The following C3orf20 variants were observed in gnomAD, a reference collection of about 807,000 sequenced individuals.
C3orf20 encodes family with sequence similarity 149 member C.
A neutral mutation model predicts 88.3 loss-of-function variants in C3orf20; 76 were observed. The ratio of observed to expected loss-of-function variants is 0.86; its 90% CI spans 0.72 to 1.04. The LOEUF is 1.04. Ranked by LOEUF, C3orf20 falls within the 50% of genes least tolerant of loss-of-function variation. C3orf20 has a pLI of 0.00. For missense variants in C3orf20, 1,056 were observed against 1,123.3 expected, an observed-to-expected ratio of 0.94 and a Z score of 0.86; for synonymous variants, 436 against 437.4, an observed-to-expected ratio of 1.00 and a Z score of 0.04.
In C3orf20 at chr3:14,707,304, C is replaced by T. The variant is rs143430403; in HGVS notation, c.1160+2686C>T. ...ACTGGGAATATCATAAAGCTGTAAG[C>T]TATAATTGATTAGCACTTGGCAGCT... On this transcript the variant is annotated intron_variant, in intron 7 of 16. Coordinates refer to ENST00000253697, the MANE Select transcript of C3orf20 (RefSeq NM_032137.5). Among the ~76,000 whole-genome samples the T allele has an allele frequency of 5.8e-3, 861 of 149,154 alleles. 41 individuals carry two copies. Among genetic ancestry groups the T allele is most frequent in the Admixed American group, 0.051 (763 of 15,028 alleles).
At chr3:14,759,035 G>A (rs1265127487) in intron 13 of C3orf20, among the ~76,000 whole-genome samples, 21 of 152,252 alleles carry the variant, frequency 1.4e-4, no homozygotes, top group Admixed American at 1.4e-3. Flanking sequence ...AGCAATTGGA[G>A]TGCTCAGGTG....
intron 4 of C3orf20, among the ~76,000 whole-genome samples, chr3:14,687,037 T>C (rs1174740115): frequency 6.6e-6 from 1 of 152,222 alleles, no homozygotes; most frequent in Non-Finnish European, 1.5e-5. Flanking sequence ...ATGCCCCTGA[T>C]GCCTGATGCG....
chr3:14,740,755 C>CT (rs1315287268), intron 12 of C3orf20, among the ~76,000 whole-genome samples: 2 of 151,900 alleles, frequency 1.3e-5, no homozygotes, highest in African/African-American at 4.8e-5. Flanking sequence ...TTTACTCATG[C>CT]TTTTTTTTAA....
intron 12 of C3orf20, among the ~76,000 whole-genome samples, chr3:14,743,705 G>A (rs2034981259): frequency 6.6e-6 from 1 of 152,036 alleles, no homozygotes; most frequent in Non-Finnish European, 1.5e-5. Flanking sequence ...TCTAGGTGGA[G>A]GTTCCCAAAC....
At position 14,732,115 on chromosome 3, in the gene C3orf20, T is replaced by A. The variant is rs568651280; in HGVS notation, c.1940+3427T>A. Among the ~76,000 whole-genome samples, 30 of 152,350 alleles carry A rather than the reference T, an allele frequency of 2.0e-4. No individual in the cohort carries two copies. In the South Asian group the frequency reaches 3.3e-3, roughly 17 times the overall value. On this transcript the variant is annotated intron_variant, in intron 12 of 16. Transcript: ENST00000253697. ...TACCATTATCCATGTCCACCAACAATGTATGAGAGTTCCAATTGCTCCAAA... is the reference window on the plus strand; with the variant it reads ...TACCATTATCCATGTCCACCAACAAAGTATGAGAGTTCCAATTGCTCCAAA...
At chr3:14,697,338 A>G (rs927744658) in intron 5 of C3orf20, among the ~76,000 whole-genome samples, 1 of 152,038 alleles carries the variant, frequency 6.6e-6, no homozygotes, top group Admixed American at 6.6e-5. Flanking sequence ...GTTATTTTCT[A>G]GATCTTGTAG....
At chr3:14,741,751 T>G (rs1017706303) in intron 12 of C3orf20, among the ~76,000 whole-genome samples, 1 of 152,246 alleles carries the variant, frequency 6.6e-6, no homozygotes, top group African/African-American at 2.4e-5. Flanking sequence ...CTGTGACTGC[T>G]CCTGCAGAGC....
rs182811941 is a variant in C3orf20 at position 14,717,201 on chromosome 3, G to A, written c.1434+1792G>A. ...AAGTGGGTCACCAGAACTGCCCTCC[G>A]GCCTCATGGTACTTTCATGAGAAGA... is the stretch of plus-strand genomic sequence containing the variant. On this transcript the variant is annotated intron_variant, in intron 9 of 16. Transcript: ENST00000253697. 1.3e-3 allele frequency among the ~76,000 whole-genome samples: 191 copies of A among 152,284 alleles called. 1 individual carries two copies. Among genetic ancestry groups the A allele is most frequent in the Admixed American group, 3.1e-3 (48 of 15,304 alleles).
intron 10 of C3orf20, chr3:14,722,120 T>C (rs1404485237): frequency 3.4e-6 from 1 of 294,140 alleles, no homozygotes; most frequent in African/African-American, 2.1e-5. Flanking sequence ...CCACCAGATC[T>C]TCGCATCTCT....
chr3:14,743,280 G>T (rs950763270), intron 12 of C3orf20, among the ~76,000 whole-genome samples: 1 of 151,934 alleles, frequency 6.6e-6, no homozygotes, highest in African/African-American at 2.4e-5. Context: ...TACAGGGCCC[G>T]AGGAAGTCTG....
Position 14,721,786 on chromosome 3 carries a change from T to C in C3orf20, c.1566+2T>C. On this transcript the variant is annotated splice_donor_variant, in intron 10 of 16. Transcript: ENST00000253697. LOFTEE classifies it high-confidence loss of function. The stretch of plus-strand genomic sequence containing the variant: ...CATGGAATGGCATATGACAAACGGG[T>C]AAGGCAAGGCAGACTATGCACCCAG... 6.2e-7 allele frequency: 1 copy of C among 1,614,070 alleles called. No individual in the cohort carries two copies. Among genetic ancestry groups the C allele is most frequent in the East Asian group, 2.2e-5 (1 of 44,870 alleles).
chr3:14,769,855 G>C (rs1382076065), intron 15 of C3orf20, among the ~76,000 whole-genome samples: 1 of 152,158 alleles, frequency 6.6e-6, no homozygotes, highest in Non-Finnish European at 1.5e-5. Context: ...GGACGGAGGG[G>C]CTGGCTGTGA....
At chr3:14,697,889 C>T (rs2033078945) in intron 5 of C3orf20, among the ~76,000 whole-genome samples, 1 of 152,092 alleles carries the variant, frequency 6.6e-6, no homozygotes, top group South Asian at 2.1e-4. Flanking sequence ...GACATGAACT[C>T]ATCCTTTTTT....
At position 14,714,005 on chromosome 3, in the gene C3orf20, A is replaced by C. The variant is rs556764362; in HGVS notation, c.1161-2A>C. ...TTAGTTCTACCTGAACATTTCTGCC[A>C]GCTATCCCTCTGGAAACGTCGCTGT... On this transcript the variant is annotated splice_acceptor_variant, in intron 7 of 16. Coordinates refer to ENST00000253697, the MANE Select transcript of C3orf20 (RefSeq NM_032137.5). LOFTEE classifies it high-confidence loss of function. 1 of 1,614,052 alleles carries C rather than the reference A, an allele frequency of 6.2e-7. No homozygotes were observed. Among genetic ancestry groups the C allele is most frequent in the East Asian group, 2.2e-5 (1 of 44,884 alleles).
intron 4 of C3orf20, among the ~76,000 whole-genome samples, chr3:14,685,906 C>G (rs896041122): frequency 2.1e-5 from 3 of 140,628 alleles, no homozygotes; most frequent in Non-Finnish European, 4.5e-5. Context: ...TCTGTTGCCA[C>G]GCTGGAGTGC....
intron 12 of C3orf20, among the ~76,000 whole-genome samples, chr3:14,734,262 C>G (rs2034633328): frequency 6.6e-6 from 1 of 151,944 alleles, no homozygotes; most frequent in Non-Finnish European, 1.5e-5. Flanking sequence ...ATTTTATATT[C>G]TTTTTCTGAC....
chr3:14,719,862 A>G (rs2034084374), intron 9 of C3orf20, among the ~76,000 whole-genome samples: 1 of 152,170 alleles, frequency 6.6e-6, no homozygotes, highest in Admixed American at 6.5e-5. Context: ...AGAGAGGCTA[A>G]CCAATTTGTC....
chr3:14,700,745 G>A (rs1432787580), intron 5 of C3orf20, among the ~76,000 whole-genome samples: 1 of 152,238 alleles, frequency 6.6e-6, no homozygotes, highest in Non-Finnish European at 1.5e-5. Context: ...AGTAACTCTA[G>A]CCCAGCAATG....
rs114259948 is a variant in C3orf20 at position 14,721,522 on chromosome 3, T to C, written c.1435-131T>C. 183 of 1,310,620 alleles carry C rather than the reference T, an allele frequency of 1.4e-4. 1 individual carries two copies. In the African/African-American group the frequency reaches 2.5e-3, roughly 18 times the overall value. 81.2% of individuals were successfully genotyped at this position (1,310,620 alleles called of 1,614,324 possible). A position where few individuals can be genotyped will look rare whatever the true frequency, so the allele number is the denominator to read the frequency against. ...TTCTCCATGAAGCGGAATTCTAACA[T>C]AAGAACTGGAAAGCTCTTACAAATC... On this transcript the variant is annotated intron_variant, in intron 9 of 16. Coordinates refer to ENST00000253697, the MANE Select transcript of C3orf20 (RefSeq NM_032137.5).
Sources: allele counts gnomAD v4.1 joint callset (sites outside exome capture counted in the v4.1 genomes callset), GRCh38; gene constraint gnomAD v4.1.1; transcripts MANE v1.5; gene names NCBI Gene and HGNC (gene_info 2026-07-23, HGNC 2026-07-21).